Variants in DENND2B observed in about 807,000 individuals in gnomAD.
DENND2B encodes DENN domain containing 2B.
In DENND2B, 32 loss-of-function variants were observed where a neutral mutation model predicts 116.0. That is an observed-to-expected ratio of 0.28 (90% CI 0.21 to 0.37). DENND2B has a LOEUF of 0.37. Among genes scored for constraint, DENND2B ranks in the 10% least tolerant of loss-of-function variants. The pLI, the probability that DENND2B is intolerant of heterozygous loss-of-function variation, is 1.00. For missense variants in DENND2B, 1,276 were observed against 1,477.7 expected, an observed-to-expected ratio of 0.86 and a Z score of 2.24; for synonymous variants, 588 against 583.9, an observed-to-expected ratio of 1.01 and a Z score of -0.10.
intron 2 of DENND2B, among the ~76,000 whole-genome samples, chr11:8,868,130 G>A (rs1050616739): frequency 6.6e-6 from 1 of 152,174 alleles, no homozygotes; most frequent in East Asian, 1.9e-4. Flanking sequence ...GCTCTTTTCT[G>A]ATCCAGAGCA....
intron 1 of DENND2B, among the ~76,000 whole-genome samples, chr11:8,886,757 T>C (rs542611295): frequency 6.6e-6 from 1 of 152,168 alleles, no homozygotes; most frequent in East Asian, 1.9e-4. Flanking sequence ...TACATGTCTG[T>C]TGGATTTTTG....
intron 1 of DENND2B, among the ~76,000 whole-genome samples, chr11:8,767,257 G>A (rs955289635): frequency 1.3e-5 from 2 of 152,168 alleles, no homozygotes; most frequent in African/African-American, 2.4e-5. Flanking sequence ...GAGAAATGAC[G>A]GAAGGAACTG....
At chr11:8,743,549 C>CA (rs201300153) in intron 2 of DENND2B, among the ~76,000 whole-genome samples, 1,682 of 148,436 alleles carry the variant, frequency 0.011, 31 homozygotes, top group African/African-American at 0.039. Context: ...GACCCTGTCT[C>CA]AAAAAAAAAA....
chr11:8,856,201 T>TA (rs1291279681), intron 3 of DENND2B, among the ~76,000 whole-genome samples: 6 of 152,218 alleles, frequency 3.9e-5, no homozygotes, highest in Admixed American at 3.9e-4. Flanking sequence ...GAAGCTCTAG[T>TA]ACCCAGCACA....
At position 8,712,739 on chromosome 11, in the gene DENND2B, G is replaced by C; in HGVS notation, c.1988-4C>G. Reference sequence around the variant, plus strand: ...TGGACCAGGCGCTGTGTGTGGGCTGGAGGCAGGTTGCACATCAGGGAATGG... The same window carrying C: ...TGGACCAGGCGCTGTGTGTGGGCTGCAGGCAGGTTGCACATCAGGGAATGG... On this transcript the variant is annotated splice_polypyrimidine_tract_variant and splice_region_variant and intron_variant, in intron 8 of 19. Coordinates refer to ENST00000313726, the MANE Select transcript of DENND2B (RefSeq NM_213618.2). This position sits in a 1 kb window ranked among gnomAD's most constrained non-coding sequence, Gnocchi z 4.4. 6.2e-7 allele frequency: 1 copy of C among 1,606,472 alleles called. No homozygotes were observed.
At chr11:8,869,992 C>T (rs1412166225) in intron 2 of DENND2B, among the ~76,000 whole-genome samples, 1 of 152,188 alleles carries the variant, frequency 6.6e-6, no homozygotes, top group Non-Finnish European at 1.5e-5. Context: ...AACAATGCAG[C>T]CCTTTGGGTT....
intron 2 of DENND2B, among the ~76,000 whole-genome samples, chr11:8,866,070 C>T (rs911275124): frequency 3.9e-5 from 6 of 152,148 alleles, no homozygotes; most frequent in African/African-American, 1.4e-4. Context: ...CGCCATTCTC[C>T]TGCCTCAGCC....
intron 1 of DENND2B, among the ~76,000 whole-genome samples, chr11:8,754,959 C>A (rs1186571109): frequency 6.6e-6 from 1 of 152,168 alleles, no homozygotes; most frequent in Non-Finnish European, 1.5e-5. Flanking sequence ...AATGGTTGTA[C>A]AACTCTTGTG....
chr11:8,833,465 C>A (rs2062296654), intron 4 of DENND2B, among the ~76,000 whole-genome samples: 1 of 152,098 alleles, frequency 6.6e-6, no homozygotes, highest in South Asian at 2.1e-4. Context: ...GACACTTCCC[C>A]TTCTCATATA....
At chr11:8,738,290 C>A (rs1310347807) in intron 2 of DENND2B, among the ~76,000 whole-genome samples, 2 of 152,184 alleles carry the variant, frequency 1.3e-5, no homozygotes, top group African/African-American at 4.8e-5. Flanking sequence ...GTTTCTTGAG[C>A]GTCTCAGGAC....
intron 3 of DENND2B, among the ~76,000 whole-genome samples, chr11:8,851,750 G>C (rs1280348455): frequency 1.3e-5 from 2 of 152,028 alleles, no homozygotes; most frequent in African/African-American, 4.8e-5. Flanking sequence ...AACAATAACA[G>C]GAGATTAAAG....
At position 8,752,172 on chromosome 11, in the gene DENND2B, G is replaced by A. The variant is rs770202895; in HGVS notation, c.-25-1447C>T. ...ATAAAAAAAAATTAAGCAAGGTTGA[G>A]CCGGGCGTGGTGGCTCACGCCTGTA... is the stretch of plus-strand genomic sequence containing the variant. On this transcript the variant is annotated intron_variant, in intron 1 of 19. Coordinates refer to ENST00000313726, the MANE Select transcript of DENND2B (RefSeq NM_213618.2). Among the ~76,000 whole-genome samples, 85 of 152,240 alleles carry A rather than the reference G, an allele frequency of 5.6e-4. 2 individuals are homozygous for A. Among genetic ancestry groups the A allele is most frequent in the Non-Finnish European group, 5.9e-4 (40 of 68,044 alleles).
chr11:8,778,208 G>A (rs1334181536), intron 1 of DENND2B, among the ~76,000 whole-genome samples: 1 of 152,212 alleles, frequency 6.6e-6, no homozygotes, highest in Non-Finnish European at 1.5e-5. Flanking sequence ...GCTCGAAAGA[G>A]TCTGCCTAAT....
At chr11:8,791,708 A>C (rs1294758249) in intron 1 of DENND2B, among the ~76,000 whole-genome samples, 3 of 151,854 alleles carry the variant, frequency 2.0e-5, no homozygotes, top group Non-Finnish European at 1.5e-5. Context: ...AGGAGGTTGC[A>C]TGAGCTGAGA....
intron 17 of DENND2B, 100 bp downstream of exon 17, chr11:8,697,425 G>C: frequency 1.2e-6 from 1 of 843,970 alleles, no homozygotes; most frequent in Non-Finnish European, 2.0e-6. Flanking sequence ...CAGCCAGAAA[G>C]GGTTTGGTGT....
intron 3 of DENND2B, among the ~76,000 whole-genome samples, chr11:8,855,731 A>C (rs2134661874): frequency 6.6e-6 from 1 of 152,214 alleles, no homozygotes; most frequent in East Asian, 2.0e-4. Context: ...TGCTGTCCTG[A>C]TGGAGCTGCC....
In DENND2B at chr11:8,696,608, G is replaced by A. The variant is rs747283241; in HGVS notation, c.3111C>T (p.Thr1037=). The change falls in exon 18 of 20, where the codon ACC becomes ACT. Residue 1037 remains threonine, a synonymous_variant. Coordinates refer to ENST00000313726, the MANE Select transcript of DENND2B (RefSeq NM_213618.2). ...TCAGAAAGAGGGAGTAGTGCCCAAC[G>A]GTCTCCACAAAGAACCGGATAAACA... ...SEVFIRFFVE[T]VGHYSLFLTQ... 4 of 1,613,992 alleles carry A rather than the reference G, an allele frequency of 2.5e-6. No individual in the cohort carries two copies. The highest frequency in any genetic ancestry group is 2.2e-5 in the East Asian group (1 of 44,896).
At chr11:8,745,959 C>T (rs2051167176) in intron 2 of DENND2B, among the ~76,000 whole-genome samples, 2 of 152,226 alleles carry the variant, frequency 1.3e-5, no homozygotes, top group Admixed American at 6.5e-5. Flanking sequence ...CTGAGCCCTA[C>T]CCAAATTGCA....
intron 2 of DENND2B, among the ~76,000 whole-genome samples, chr11:8,733,438 T>C (rs564721944): frequency 8.5e-5 from 13 of 152,338 alleles, no homozygotes; most frequent in African/African-American, 2.6e-4. Context: ...GAGCACCTAC[T>C]CTGTGCTAGG....
Sources: allele counts gnomAD v4.1 joint callset (sites outside exome capture counted in the v4.1 genomes callset), GRCh38; gene constraint gnomAD v4.1.1; non-coding constraint Gnocchi (gnomAD v3.1); transcripts MANE v1.5; gene names NCBI Gene and HGNC (gene_info 2026-07-23, HGNC 2026-07-21).